Variants in DCBLD2 observed in about 807,000 individuals in gnomAD.
DCBLD2 encodes discoidin, CUB and LCCL domain containing 2.
DCBLD2 carries 54 observed loss-of-function variants against 86.8 expected under a neutral mutation model. The observed-to-expected ratio is 0.62, with a 90% CI of 0.50 to 0.78. The LOEUF is 0.78. DCBLD2 is among the 30% of genes least tolerant of loss of function. The pLI, the probability that DCBLD2 is intolerant of heterozygous loss-of-function variation, is 0.00. For synonymous variants in DCBLD2, 354 were observed against 341.3 expected (o/e 1.04, Z -0.41); for missense variants, 908 against 954.2 (o/e 0.95, Z 0.64).
intron 13 of DCBLD2, among the ~76,000 whole-genome samples, chr3:98,806,335 G>A (rs1181483573): frequency 6.6e-6 from 1 of 152,180 alleles, no homozygotes; most frequent in Non-Finnish European, 1.5e-5. Context: ...TAGTGACTAA[G>A]ATTAGCATTC....
At chr3:98,827,188 A>G (rs1309786106) in intron 3 of DCBLD2, among the ~76,000 whole-genome samples, 3 of 152,176 alleles carry the variant, frequency 2.0e-5, no homozygotes. Context: ...ATAGGGGCTC[A>G]CTACCACCCA....
chr3:98,807,629 T>C (rs571188986), intron 13 of DCBLD2, among the ~76,000 whole-genome samples: 2 of 152,292 alleles, frequency 1.3e-5, no homozygotes, highest in East Asian at 3.9e-4. Flanking sequence ...TACCTTCCTC[T>C]ATCTAGCCAA....
In DCBLD2 at chr3:98,849,606, T is replaced by A. The variant is rs745731443; in HGVS notation, c.434-8A>T. On this transcript the variant is annotated splice_polypyrimidine_tract_variant and splice_region_variant and intron_variant, in intron 2 of 15. Transcript: ENST00000326840. ...CCAGACCACAGTATTTGCCTAGGAATGAAAGAAAAGCAGATTATTTGGGAT... is the reference window on the plus strand; with the variant it reads ...CCAGACCACAGTATTTGCCTAGGAAAGAAAGAAAAGCAGATTATTTGGGAT... 2 of 1,603,204 alleles carry A rather than the reference T, an allele frequency of 1.2e-6. No individual in the cohort carries two copies. Among genetic ancestry groups the A allele is most frequent in the Non-Finnish European group, 1.7e-6 (2 of 1,171,972 alleles).
intron 2 of DCBLD2, among the ~76,000 whole-genome samples, chr3:98,851,136 G>T (rs563761071): frequency 1.3e-5 from 2 of 152,152 alleles, no homozygotes; most frequent in African/African-American, 2.4e-5. Flanking sequence ...ATTCAAACAG[G>T]AAGTGAGGAA....
At chr3:98,833,912 G>A (rs1942371271) in intron 3 of DCBLD2, among the ~76,000 whole-genome samples, 1 of 152,214 alleles carries the variant, frequency 6.6e-6, no homozygotes, top group African/African-American at 2.4e-5. Context: ...CCCAAGCCTG[G>A]AGGACTTGCC....
rs1941641794 is a variant in DCBLD2 at position 98,797,823 on chromosome 3, A to T, written c.*1549T>A. On this transcript the variant is annotated 3_prime_UTR_variant, in exon 16 of 16. Transcript: ENST00000326840. ...TTCAAATTGAGTGAATTCTGGCAAC[A>T]TCATAATCTGGTGGCTCAGGCCAAC... 1 of 152,234 alleles carries T rather than the reference A, an allele frequency of 6.6e-6. No individual in the cohort carries two copies. The allele number at this position is 152,234 out of a possible 1,614,324, so 9.4% of individuals were successfully genotyped here. A position where few individuals can be genotyped will look rare whatever the true frequency, so the allele number is the denominator to read the frequency against.
At chr3:98,866,944 A>C (rs374557978) in intron 2 of DCBLD2, among the ~76,000 whole-genome samples, 72 of 152,200 alleles carry the variant, frequency 4.7e-4, no homozygotes, top group Admixed American at 1.4e-3. Context: ...GTTTTCCCAG[A>C]ACCATTTATT....
At chr3:98,879,532 G>A (rs1039075398) in intron 2 of DCBLD2, among the ~76,000 whole-genome samples, 8 of 151,956 alleles carry the variant, frequency 5.3e-5, no homozygotes, top group African/African-American at 9.7e-5. Context: ...GACTACAGGC[G>A]CCCGCCACCA....
intron 2 of DCBLD2, among the ~76,000 whole-genome samples, chr3:98,862,374 C>G (rs1419904527): frequency 6.6e-6 from 1 of 152,148 alleles, no homozygotes; most frequent in African/African-American, 2.4e-5. Context: ...TTTTATGAGG[C>G]CAGCATCATC....
intron 3 of DCBLD2, 41 bp downstream of exon 3, chr3:98,849,420 A>T (rs1479754504): frequency 1.2e-5 from 20 of 1,612,086 alleles, no homozygotes; most frequent in Non-Finnish European, 1.7e-5. Flanking sequence ...TGTTGTTAGA[A>T]ATTACAAACT....
At chr3:98,822,088 G>A (rs777263742) in intron 6 of DCBLD2, 140 bp downstream of exon 6, 11 of 1,030,104 alleles carry the variant, frequency 1.1e-5, no homozygotes, top group Non-Finnish European at 1.7e-5. Flanking sequence ...GCACACTAAT[G>A]TGAGTGCTTA....
chr3:98,824,356 TTTG>T (rs1254637922), intron 4 of DCBLD2, among the ~76,000 whole-genome samples: 7 of 151,976 alleles, frequency 4.6e-5, no homozygotes, highest in African/African-American at 1.7e-4. Flanking sequence ...GGAGCTTGGA[TTTG>T]TTGTGGCAGA....
chr3:98,881,249 T>C (rs1943463707), intron 2 of DCBLD2, among the ~76,000 whole-genome samples: 1 of 137,350 alleles, frequency 7.3e-6, no homozygotes, highest in Non-Finnish European at 1.5e-5. Context: ...AGCAAGACTC[T>C]GTCTCAAAAA....
intron 2 of DCBLD2, among the ~76,000 whole-genome samples, chr3:98,861,013 T>C (rs1034312627): frequency 6.6e-6 from 1 of 152,086 alleles, no homozygotes; most frequent in East Asian, 1.9e-4. Context: ...AGGCTCAAAA[T>C]AAGGAGATGG....
intron 1 of DCBLD2, chr3:98,890,509 G>T (rs1943639903): frequency 6.6e-6 from 1 of 151,990 alleles, no homozygotes; most frequent in South Asian, 2.1e-4. Flanking sequence ...TGTTACAGCT[G>T]CCCTAGGAAA....
At position 98,817,770 on chromosome 3, in the gene DCBLD2, T is replaced by C; in HGVS notation, c.1211A>G (p.Lys404Arg). ...VYREPGVEQD[K>R]IFQGNKDYHQ... ...AAAATACCTTGGTAATCATTTTACCTTATCTTGCTCCACACCAGGCTCTCT... is the reference window on the plus strand; with the variant it reads ...AAAATACCTTGGTAATCATTTTACCCTATCTTGCTCCACACCAGGCTCTCT... The change falls in exon 9 of 16, where the codon AAG becomes AGG. Residue 404 changes from lysine (K) to arginine (R), a missense_variant and splice_region_variant. Transcript: ENST00000326840. 1 of 1,613,182 alleles carries C rather than the reference T, an allele frequency of 6.2e-7. No homozygotes were observed. Among genetic ancestry groups the C allele is most frequent in the African/African-American group, 1.3e-5 (1 of 75,026 alleles).
chr3:98,826,812 G>A (rs761598822), intron 3 of DCBLD2, among the ~76,000 whole-genome samples: 17 of 152,192 alleles, frequency 1.1e-4, no homozygotes, highest in Admixed American at 3.9e-4. Context: ...AAGACCCCAA[G>A]GCAATCACAA....
Position 98,866,374 on chromosome 3 carries a change from A to G in DCBLD2, c.433+15166T>C, listed in dbSNP as rs1317060807. Among the ~76,000 whole-genome samples the G allele has an allele frequency of 1.2e-4, 18 of 152,174 alleles. No homozygotes were observed. In the South Asian group the frequency reaches 3.3e-3, roughly 28 times the overall value. ...CTCCACAACCTCTCCAGCACCTGTT[A>G]TTTCCTGACTTTTTAATGATCACCA... is the stretch of plus-strand genomic sequence containing the variant. On this transcript the variant is annotated intron_variant, in intron 2 of 15. Transcript: ENST00000326840.
intron 13 of DCBLD2, among the ~76,000 whole-genome samples, chr3:98,804,006 CT>C (rs957727292): frequency 6.6e-5 from 10 of 150,398 alleles, no homozygotes; most frequent in African/African-American, 2.2e-4. Flanking sequence ...CTAAAATTCT[CT>C]TTTTTTTGTT....
Sources: allele counts gnomAD v4.1 joint callset (sites outside exome capture counted in the v4.1 genomes callset), GRCh38; gene constraint gnomAD v4.1.1; transcripts MANE v1.5; gene names NCBI Gene and HGNC (gene_info 2026-07-23, HGNC 2026-07-21).